The following LRMDA variants were observed in gnomAD, a reference collection of about 807,000 sequenced individuals.
The protein encoded by LRMDA is leucine rich melanocyte differentiation associated, also known as leucine-rich melanocyte differentiation-associated protein.
In LRMDA, 18 loss-of-function variants were observed where a neutral mutation model predicts 29.8. The observed-to-expected ratio is 0.60, with a 90% confidence interval of 0.42 to 0.90. LRMDA has a LOEUF of 0.90. LRMDA is among the 40% of genes least tolerant of loss of function. The pLI, the probability that LRMDA is intolerant of heterozygous loss-of-function variation, is 0.00. For missense variants in LRMDA, 273 were observed against 273.9 expected, an observed-to-expected ratio of 1.00 and a Z score of 0.02; for synonymous variants, 125 against 109.4, an observed-to-expected ratio of 1.14 and a Z score of -0.89.
At chr10:75,921,383 G>A (rs1387000653) in intron 2 of LRMDA, among the ~76,000 whole-genome samples, 11 of 152,212 alleles carry the variant, frequency 7.2e-5, no homozygotes. Flanking sequence ...CAGAATGTCA[G>A]CCTAGTTCTG....
intron 6 of LRMDA, among the ~76,000 whole-genome samples, chr10:76,352,831 G>T (rs1306835027): frequency 6.6e-6 from 1 of 152,032 alleles, no homozygotes; most frequent in African/African-American, 2.4e-5. Flanking sequence ...AGGGGAGGTG[G>T]AAGGACCAGC....
chr10:76,266,708 C>T (rs1840010287), intron 5 of LRMDA, among the ~76,000 whole-genome samples: 1 of 152,060 alleles, frequency 6.6e-6, no homozygotes. Flanking sequence ...GTATATTAGA[C>T]CTTGAGTTAA....
At chr10:76,158,114 T>C (rs1450893548) in intron 5 of LRMDA, among the ~76,000 whole-genome samples, 6 of 152,342 alleles carry the variant, frequency 3.9e-5, no homozygotes, top group African/African-American at 1.4e-4. Flanking sequence ...GTTTTCCTTT[T>C]CTATGATGGC....
At chr10:75,608,144 AAAGC>A (rs1840982986) in intron 2 of LRMDA, among the ~76,000 whole-genome samples, 2 of 148,126 alleles carry the variant, frequency 1.4e-5, no homozygotes, top group Admixed American at 6.8e-5. Flanking sequence ...ACACATACAC[AAAGC>A]AATATTATTC....
intron 2 of LRMDA, among the ~76,000 whole-genome samples, chr10:76,019,070 A>G (rs1371390345): frequency 6.6e-6 from 1 of 152,124 alleles, no homozygotes; most frequent in Admixed American, 6.6e-5. Flanking sequence ...AATCAGTAGT[A>G]GTGTCCCCTT....
chr10:75,878,359 G>A lies in LRMDA; in HGVS notation c.132-157649G>A, dbSNP rs373985290. 7.0e-4 allele frequency among the ~76,000 whole-genome samples: 106 copies of A among 152,082 alleles called. 1 individual carries two copies. The highest frequency in any genetic ancestry group is 1.1e-3 in the Non-Finnish European group (77 of 67,988). On this transcript the variant is annotated intron_variant, in intron 2 of 6. Transcript: ENST00000611255. ...TGGTAGAAGTAGCTCTCAGTGAGGT[G>A]GATGGGGAGCCAGAAGGGGGGCATG...
intron 2 of LRMDA, among the ~76,000 whole-genome samples, chr10:75,575,160 T>C (rs1250714994): frequency 6.6e-6 from 1 of 152,168 alleles, no homozygotes; most frequent in Non-Finnish European, 1.5e-5. Flanking sequence ...AAACCACCCC[T>C]ATGATCCAAG....
chr10:75,797,680 T>C lies in LRMDA; in HGVS notation c.132-238328T>C, dbSNP rs141204893. 5.5e-4 allele frequency among the ~76,000 whole-genome samples: 84 copies of C among 152,352 alleles called. 3 individuals carry two copies. The East Asian group carries it at 0.015, about 28-fold the overall frequency. On this transcript the variant is annotated intron_variant, in intron 2 of 6. Coordinates refer to ENST00000611255, the MANE Select transcript of LRMDA (RefSeq NM_001305581.2). ...TGTGTCTGGCTTCTTTCGTTTAGCA[T>C]AATGGTTTTGAGATTCATTCGTTTT... is the stretch of plus-strand genomic sequence containing the variant.
At chr10:75,441,761 T>G (rs58074667) in intron 2 of LRMDA, among the ~76,000 whole-genome samples, 2,239 of 148,216 alleles carry the variant, frequency 0.015, 54 homozygotes, top group African/African-American at 0.049. Context: ...CTACAGGCTT[T>G]CTTTCTTTTT....
chr10:75,440,871 A>G (rs753784774), intron 2 of LRMDA, among the ~76,000 whole-genome samples: 53 of 152,226 alleles, frequency 3.5e-4, no homozygotes, highest in Admixed American at 1.4e-3. Flanking sequence ...TCCTGTCTCT[A>G]CTAAAAATGC....
intron 2 of LRMDA, among the ~76,000 whole-genome samples, chr10:75,698,856 G>A (rs1302207687): frequency 1.3e-5 from 2 of 152,118 alleles, no homozygotes; most frequent in Admixed American, 6.5e-5. Flanking sequence ...AAGAATTTGC[G>A]TTTTTGTTGT....
At chr10:75,709,818 G>C (rs529960202) in intron 2 of LRMDA, among the ~76,000 whole-genome samples, 1 of 152,280 alleles carries the variant, frequency 6.6e-6, no homozygotes, top group Admixed American at 6.5e-5. Flanking sequence ...TCTCCTCCCT[G>C]AAAGGCATTA....
At chr10:75,489,023 C>T (rs1163642745) in intron 2 of LRMDA, among the ~76,000 whole-genome samples, 1 of 152,064 alleles carries the variant, frequency 6.6e-6, no homozygotes, top group Non-Finnish European at 1.5e-5. Flanking sequence ...TGACCTTGTG[C>T]ACCTTTCCCA....
chr10:75,704,687 T>C (rs747770074), intron 2 of LRMDA, among the ~76,000 whole-genome samples: 3 of 152,216 alleles, frequency 2.0e-5, no homozygotes, highest in Non-Finnish European at 4.4e-5. Flanking sequence ...ACCTTTTCTT[T>C]TCTACTGCAT....
At chr10:75,854,339 T>G (rs915597435) in intron 2 of LRMDA, among the ~76,000 whole-genome samples, 8 of 152,162 alleles carry the variant, frequency 5.3e-5, no homozygotes, top group Non-Finnish European at 5.9e-5. Context: ...TAACCATATG[T>G]CCTGGTTTCC....
At chr10:76,446,894 G>T (rs1222012803) in intron 6 of LRMDA, among the ~76,000 whole-genome samples, 1 of 152,128 alleles carries the variant, frequency 6.6e-6, no homozygotes, top group Admixed American at 6.5e-5. Context: ...CAGCTGAGTT[G>T]GTGTGTGCCT....
intron 2 of LRMDA, among the ~76,000 whole-genome samples, chr10:75,479,505 TA>T (rs11359674): frequency 0.81 from 106,785 of 131,358 alleles, 43,248 homozygotes; most frequent in Non-Finnish European, 0.87. Context: ...AGACTCTGTC[TA>T]AAAAAAAAAA....
intron 2 of LRMDA, chr10:75,552,641 C>G (rs1035898945): frequency 7.6e-6 from 3 of 392,674 alleles, no homozygotes; most frequent in African/African-American, 6.6e-5. Context: ...AAATTCGTAG[C>G]TATTATCTCT....
intron 5 of LRMDA, among the ~76,000 whole-genome samples, chr10:76,122,617 A>G (rs1443287609): frequency 6.6e-6 from 1 of 152,194 alleles, no homozygotes; most frequent in Non-Finnish European, 1.5e-5. Flanking sequence ...AATGTTAGCC[A>G]CTATTATTGT....
Sources: gnomAD v4.1 joint callset for allele counts (sites outside exome capture counted in the v4.1 genomes callset) on GRCh38, gnomAD v4.1.1 for gene constraint, MANE v1.5 for transcripts, NCBI Gene and HGNC (gene_info 2026-07-23, HGNC 2026-07-21) for gene names.